CIB1: variants seen among roughly 807,000 people sequenced by gnomAD.
CIB1 encodes calcium and integrin-binding protein 1.
In CIB1, 19 loss-of-function variants were observed where a neutral mutation model predicts 25.0. The ratio of observed to expected loss-of-function variants is 0.76; its 90% CI spans 0.53 to 1.12. The LOEUF is 1.12. Ranked by LOEUF, CIB1 falls within the 50% of genes most tolerant of loss-of-function variation. CIB1 has a pLI of 0.00. For missense variants in CIB1, 236 were observed against 242.6 expected (o/e 0.97, Z 0.18); for synonymous variants, 104 against 98.5 (o/e 1.06, Z -0.33).
In CIB1 at chr15:90,230,963, G is replaced by C; in HGVS notation, c.525C>G (p.His175Gln). 6.2e-7 allele frequency: 1 copy of C among 1,614,156 alleles called. No individual in the cohort carries two copies. Among genetic ancestry groups the C allele is most frequent in the Non-Finnish European group, 8.5e-7 (1 of 1,180,018 alleles). ...CAAAGTCTGGAGAACGGGAGATGAC[G>C]TGCTGGAACTCAGAGAGGTTGATGG... is the stretch of plus-strand genomic sequence containing the variant. ...DGTINLSEFQ[H>Q]VISRSPDFAS... The change falls in exon 6 of 7, where the codon CAC becomes CAG. Residue 175 changes from histidine (H) to glutamine (Q), a missense_variant. Transcript: ENST00000328649.
the CIB1 span, chr15:90,264,961 C>G: frequency 6.5e-7 from 1 of 1,534,260 alleles, no homozygotes; most frequent in Non-Finnish European, 8.7e-7. Context: ...TCAATCAGTT[C>G]AGGTAAAAGC....
the CIB1 span, chr15:90,264,870 A>T: frequency 6.5e-7 from 1 of 1,535,988 alleles, no homozygotes; most frequent in South Asian, 1.2e-5. Context: ...TCCATGGTAA[A>T]CTCTGAACAC....
chr15:90,263,141 G>T, the CIB1 span: 1 of 1,524,988 alleles, frequency 6.6e-7, no homozygotes, highest in Non-Finnish European at 8.7e-7. Flanking sequence ...CTTCATGAGA[G>T]TCGGGTGAGG....
chr15:90,262,464 A>C, the CIB1 span: 1 of 1,449,204 alleles, frequency 6.9e-7, no homozygotes, highest in Non-Finnish European at 9.0e-7. Flanking sequence ...CCATTTCTCT[A>C]CTGTCTGAAG....
intron 6 of CIB1, 64 bp from the exon 7 acceptor site, chr15:90,230,569 TG>T: frequency 6.6e-7 from 1 of 1,514,690 alleles, no homozygotes; most frequent in African/African-American, 1.4e-5. Flanking sequence ...AACCCGAACT[TG>T]CCCCCTTCTC....
chr15:90,253,560 C>G, the CIB1 span, among the ~76,000 whole-genome samples: 1 of 152,158 alleles, frequency 6.6e-6, no homozygotes, highest in Non-Finnish European at 1.5e-5. Flanking sequence ...TGGAATTACC[C>G]AAAGGAAGTT....
At chr15:90,264,771 C>A in the CIB1 span, 5 of 1,536,116 alleles carry the variant, frequency 3.3e-6, no homozygotes, top group Non-Finnish European at 4.4e-6. Context: ...CTGGCAGGAT[C>A]AGTGCCACCC....
the CIB1 span, chr15:90,264,880 C>CAA: frequency 2.0e-6 from 3 of 1,536,130 alleles, no homozygotes. Flanking sequence ...ACTCTGAACA[C>CAA]AGAGCAGCCA....
chr15:90,256,035 G>C, the CIB1 span: 10 of 1,552,440 alleles, frequency 6.4e-6, no homozygotes, highest in African/African-American at 1.4e-5. Context: ...GTCTGAGACT[G>C]AGTGCTCCAG....
the CIB1 span, among the ~76,000 whole-genome samples, chr15:90,252,520 G>GT: frequency 2.6e-5 from 4 of 152,130 alleles, no homozygotes; most frequent in African/African-American, 7.2e-5. Context: ...GCTTAAAACA[G>GT]TTTTTTCAAG....
chr15:90,254,491 TAAAAAAAAA>T, the CIB1 span, among the ~76,000 whole-genome samples: 1 of 84,242 alleles, frequency 1.2e-5, no homozygotes, highest in African/African-American at 4.3e-5. Context: ...AGACTCCATC[TAAAAAAAAA>T]AAAAAAAAAA....
the CIB1 span, among the ~76,000 whole-genome samples, chr15:90,251,280 A>ATTTTTTTTTTTTTTT: frequency 1.3e-3 from 145 of 109,404 alleles, no homozygotes; most frequent in African/African-American, 2.1e-3. Flanking sequence ...CGCATGGCAA[A>ATTTTTTTTTTTTTTT]TTTTTTTTTT....
At chr15:90,240,781 T>G in the CIB1 span, 1 of 672,934 alleles carries the variant, frequency 1.5e-6, no homozygotes. Flanking sequence ...GCCACTGCAC[T>G]CCAGCCTGGG....
chr15:90,252,568 C>A, the CIB1 span, among the ~76,000 whole-genome samples: 1 of 151,314 alleles, frequency 6.6e-6, no homozygotes, highest in East Asian at 1.9e-4. Context: ...AGAAAAAAAA[C>A]AATCTCCAGC....
the CIB1 span, chr15:90,244,381 T>G: frequency 2.0e-5 from 3 of 152,232 alleles, no homozygotes; most frequent in Non-Finnish European, 4.4e-5. Context: ...AATTTTTTTT[T>G]ATCTCATTGC....
At chr15:90,258,247 A>G in the CIB1 span, 5 of 1,614,220 alleles carry the variant, frequency 3.1e-6, no homozygotes, top group South Asian at 1.1e-5. Flanking sequence ...CTGGACCACA[A>G]GTTGAAGCCC....
At chr15:90,251,174 C>T in the CIB1 span, among the ~76,000 whole-genome samples, 3 of 131,144 alleles carry the variant, frequency 2.3e-5, no homozygotes, top group African/African-American at 8.7e-5. Flanking sequence ...AGTACAGTGG[C>T]GTGATCTCGG....
At chr15:90,262,469 C>T in the CIB1 span, 1 of 1,460,934 alleles carries the variant, frequency 6.8e-7, no homozygotes, top group South Asian at 1.4e-5. Flanking sequence ...TCTCTACTGT[C>T]TGAAGCTGCT....
intron 5 of CIB1, 29 bp from the exon 6 acceptor site, chr15:90,231,051 C>A: frequency 6.2e-7 from 1 of 1,613,048 alleles, no homozygotes; most frequent in Non-Finnish European, 8.5e-7. Flanking sequence ...CAGGCCAGAG[C>A]CCCAACTGCT....
Sources: allele counts gnomAD v4.1 joint callset (sites outside exome capture counted in the v4.1 genomes callset), GRCh38; gene constraint gnomAD v4.1.1; transcripts MANE v1.5; gene names NCBI Gene and HGNC (gene_info 2026-07-23, HGNC 2026-07-21).